The following NPTN variants were observed in gnomAD, a reference collection of about 807,000 sequenced individuals.
The protein encoded by NPTN is neuroplastin, also known as SDR-1.
In NPTN, 5 loss-of-function variants were observed where a neutral mutation model predicts 42.7. The observed-to-expected ratio is 0.12, with a 90% confidence interval of 0.06 to 0.25. NPTN has a LOEUF of 0.25. Among genes scored for constraint, NPTN ranks in the 10% least tolerant of loss-of-function variants. The pLI, the probability that NPTN is intolerant of heterozygous loss-of-function variation, is 1.00. For synonymous variants in NPTN, 180 were observed against 201.9 expected, an observed-to-expected ratio of 0.89 and a Z score of 0.92; for missense variants, 307 against 525.4, an observed-to-expected ratio of 0.58 and a Z score of 4.06.
intron 4 of NPTN, among the ~76,000 whole-genome samples, chr15:73,583,405 C>G (rs538200658): frequency 6.6e-6 from 1 of 152,270 alleles, no homozygotes; most frequent in Non-Finnish European, 1.5e-5. Flanking sequence ...GTTATTCCCT[C>G]AAGCCTCAAT....
chr15:73,594,917 A>G (rs780209928), intron 2 of NPTN, among the ~76,000 whole-genome samples: 2 of 152,006 alleles, frequency 1.3e-5, no homozygotes, highest in South Asian at 2.1e-4. Context: ...TGAGATCATA[A>G]AACAGTCCAA....
intron 1 of NPTN, among the ~76,000 whole-genome samples, chr15:73,611,209 A>C (rs1897560132): frequency 6.6e-6 from 1 of 152,230 alleles, no homozygotes; most frequent in African/African-American, 2.4e-5. Context: ...CAGGAAGACA[A>C]TCATTCTTAA....
At position 73,562,945 on chromosome 15, in the gene NPTN, G is replaced by A. The variant is rs189023704; in HGVS notation, c.1136+291C>T. Among the ~76,000 whole-genome samples, 91 of 152,010 alleles carry A rather than the reference G, an allele frequency of 6.0e-4. No individual in the cohort carries two copies. In the South Asian group the frequency reaches 0.012, roughly 21 times the overall value. On this transcript the variant is annotated intron_variant, in intron 7 of 8. Transcript: ENST00000345330. ...CAAAACCGGGAGCCTCAGATATACTGGCCATTTCCCCCACATTTTAAGTAT... is the reference window on the plus strand; with the variant it reads ...CAAAACCGGGAGCCTCAGATATACTAGCCATTTCCCCCACATTTTAAGTAT...
At chr15:73,581,876 C>T (rs1595914791) in intron 4 of NPTN, among the ~76,000 whole-genome samples, 2 of 152,160 alleles carry the variant, frequency 1.3e-5, no homozygotes, top group East Asian at 3.9e-4. Flanking sequence ...GCTCTGTCGC[C>T]CAGGCTGGAG....
At chr15:73,619,107 A>T (rs1314141180) in intron 1 of NPTN, among the ~76,000 whole-genome samples, 1 of 151,964 alleles carries the variant, frequency 6.6e-6, no homozygotes, top group Non-Finnish European at 1.5e-5. Flanking sequence ...AACTTAAATT[A>T]AAAAATTTAA....
At position 73,592,073 on chromosome 15, in the gene NPTN, C is replaced by A; in HGVS notation, c.504G>T (p.Leu168=). Residue 168 remains leucine (L), a synonymous_variant, in exon 3 of 9, where the codon CTG becomes CTT. Coordinates refer to ENST00000345330, the MANE Select transcript of NPTN (RefSeq NM_012428.4). ...GAGAGCTGGAGGTGAGGTTACACTGCAGGGTGACAGGGAGAACAGGGCTGT... is the reference window on the plus strand; with the variant it reads ...GAGAGCTGGAGGTGAGGTTACACTGAAGGGTGACAGGGAGAACAGGGCTGT... ...IRDSPVLPVT[L]QCNLTSSSHT... 1 of 1,614,026 alleles carries A rather than the reference C, an allele frequency of 6.2e-7. No individual in the cohort carries two copies. The highest frequency in any genetic ancestry group is 8.5e-7 in the Non-Finnish European group (1 of 1,179,954).
intron 1 of NPTN, among the ~76,000 whole-genome samples, chr15:73,620,132 G>A (rs1898064071): frequency 6.6e-6 from 1 of 152,346 alleles, no homozygotes; most frequent in Admixed American, 6.5e-5. Flanking sequence ...CATCAGCACA[G>A]TGTTTTTAAA....
intron 1 of NPTN, among the ~76,000 whole-genome samples, chr15:73,629,925 GAC>G (rs985970415): frequency 2.6e-5 from 4 of 152,190 alleles, no homozygotes; most frequent in East Asian, 1.9e-4. Context: ...GGCAATTGCA[GAC>G]ACAGTGCAGC....
At chr15:73,629,393 A>G (rs1418317879) in intron 1 of NPTN, among the ~76,000 whole-genome samples, 1 of 152,200 alleles carries the variant, frequency 6.6e-6, no homozygotes, top group Non-Finnish European at 1.5e-5. Flanking sequence ...ATTTCAGTTC[A>G]AAGAGGAAAC....
intron 2 of NPTN, among the ~76,000 whole-genome samples, chr15:73,594,764 C>G (rs1348000626): frequency 6.6e-6 from 1 of 152,144 alleles, no homozygotes; most frequent in Non-Finnish European, 1.5e-5. Flanking sequence ...AAAGAACATG[C>G]TATGGCCAGA....
intron 4 of NPTN, among the ~76,000 whole-genome samples, chr15:73,581,041 A>G (rs1224713664): frequency 2.6e-5 from 4 of 152,174 alleles, no homozygotes; most frequent in Non-Finnish European, 5.9e-5. Context: ...GCATTTAAAC[A>G]TCAGTCAGGG....
chr15:73,616,374 T>C (rs1443261341), intron 1 of NPTN, among the ~76,000 whole-genome samples: 2 of 152,172 alleles, frequency 1.3e-5, no homozygotes, highest in South Asian at 2.1e-4. Context: ...TACTTGTATC[T>C]AATTAACAAC....
chr15:73,570,925 A>T lies in NPTN; in HGVS notation c.841-502T>A, dbSNP rs543349983. On this transcript the variant is annotated intron_variant, in intron 5 of 8. Transcript: ENST00000345330. The surrounding 1 kb of genome is among the most constrained non-coding windows in gnomAD (Gnocchi z 4.0). ...ACTCACTCCTAGTCAGACTGGGGGA[A>T]ATTCATAACTTTCCTTTCATTTAAG... Among the ~76,000 whole-genome samples, 1 of 152,232 alleles carries T rather than the reference A, an allele frequency of 6.6e-6. No individual in the cohort carries two copies. Among genetic ancestry groups the T allele is most frequent in the Non-Finnish European group, 1.5e-5 (1 of 68,052 alleles).
intron 4 of NPTN, among the ~76,000 whole-genome samples, chr15:73,578,992 CA>C (rs532918109): frequency 0.012 from 676 of 54,714 alleles, 3 homozygotes; most frequent in Admixed American, 0.019. Context: ...GATTCTGTCT[CA>C]AAAAAAAAAA....
At position 73,633,196 on chromosome 15, in the gene NPTN, G is replaced by T; in HGVS notation, c.20C>A (p.Pro7His). The change falls in exon 1 of 9, where the codon CCC (proline) becomes CAC (histidine). Residue 7 changes from proline to histidine, a missense_variant. By Grantham distance (77) the Pro-to-His change is moderately conservative. Coordinates refer to ENST00000345330, the MANE Select transcript of NPTN (RefSeq NM_012428.4). Reference protein sequence around the residue: MSGSSLPSALALSLLLV... With the variant: MSGSSLHSALALSLLLV... Reference sequence around the variant, plus strand: ...CAACAGCGAGAGGGCCAGGGCGCTGGGCAGCGACGAACCCGACATCCTCCC... The same window carrying T: ...CAACAGCGAGAGGGCCAGGGCGCTGTGCAGCGACGAACCCGACATCCTCCC... 6.5e-7 allele frequency: 1 copy of T among 1,531,244 alleles called. No individual in the cohort carries two copies. The highest frequency in any genetic ancestry group is 2.7e-5 in the East Asian group (1 of 37,078). The allele number at this position is 1,531,244 out of a possible 1,614,324, so 94.9% of individuals were successfully genotyped here. A position where few individuals can be genotyped will look rare whatever the true frequency, so the allele number is the denominator to read the frequency against.
intron 1 of NPTN, among the ~76,000 whole-genome samples, chr15:73,603,955 T>C (rs1022143757): frequency 1.8e-4 from 27 of 152,228 alleles, no homozygotes; most frequent in African/African-American, 6.5e-4. Flanking sequence ...AAAATCATGT[T>C]ACATTATGTG....
At chr15:73,626,429 CAG>C (rs910636030) in intron 1 of NPTN, among the ~76,000 whole-genome samples, 2 of 152,256 alleles carry the variant, frequency 1.3e-5, no homozygotes. Flanking sequence ...AACTTTTAAA[CAG>C]AAAGTGTTAT....
At chr15:73,567,545 G>GA in intron 6 of NPTN, 1 of 985,388 alleles carries the variant, frequency 1.0e-6, no homozygotes, top group Admixed American at 6.1e-5. Flanking sequence ...CCTTCCTATG[G>GA]AGTGCACAGG....
At position 73,610,005 on chromosome 15, in the gene NPTN, C is replaced by T. The variant is rs115913062; in HGVS notation, c.92-12636G>A. 4.2e-3 allele frequency among the ~76,000 whole-genome samples: 644 copies of T among 152,244 alleles called. 2 individuals are homozygous for T. The highest frequency in any genetic ancestry group is 0.015 in the African/African-American group (613 of 41,538). On this transcript the variant is annotated intron_variant, in intron 1 of 8. Coordinates refer to ENST00000345330, the MANE Select transcript of NPTN (RefSeq NM_012428.4). The stretch of plus-strand genomic sequence containing the variant: ...TATAAAACACTACAACTTATTCCTC[C>T]TATCTAGCTTTAATTTTGTGTCCTT...
Sources: gnomAD v4.1 joint callset for allele counts (sites outside exome capture counted in the v4.1 genomes callset) on GRCh38, gnomAD v4.1.1 for gene constraint, Gnocchi (gnomAD v3.1) non-coding constraint, MANE v1.5 for transcripts, NCBI Gene and HGNC (gene_info 2026-07-23, HGNC 2026-07-21) for gene names.